The following COPG1 variants were observed in gnomAD, a reference collection of about 807,000 sequenced individuals.
COPG1 encodes the protein coat protein complex I subunit gamma 1.
In COPG1, 29 loss-of-function variants were observed where a neutral mutation model predicts 102.8. That is an observed-to-expected ratio of 0.28 (90% CI 0.21 to 0.38). The LOEUF is 0.38. Among genes scored for constraint, COPG1 ranks in the 10% least tolerant of loss-of-function variants. The pLI is 1.00. For missense variants in COPG1, 875 were observed against 1,132.7 expected (o/e 0.77, Z 3.27); for synonymous variants, 406 against 421.6 (o/e 0.96, Z 0.45).
intron 10 of COPG1, 157 bp from the exon 11 acceptor site, chr3:129,260,176 T>G (rs1576963729): frequency 1.5e-6 from 1 of 679,998 alleles, no homozygotes; most frequent in South Asian, 1.7e-5. Context: ...ATGGCTCAGG[T>G]GCGCAGGGTG....
chr3:129,275,229 C>G lies in COPG1; in HGVS notation c.2431C>G (p.His811Asp), dbSNP rs1395404870. Residue 811 changes from histidine (H) to aspartate (D), a missense_variant, in exon 23 of 24, where the codon CAC becomes GAC. Coordinates refer to ENST00000314797, the MANE Select transcript of COPG1 (RefSeq NM_016128.4). This position sits in a 1 kb window ranked among gnomAD's most constrained non-coding sequence, Gnocchi z 5.0. Reference protein sequence around the residue: ...VGNIVKFLGMHPCERSDKVPD... With the variant: ...VGNIVKFLGMDPCERSDKVPD... ...TAATATTGTGAAGTTCTTGGGAATG[C>G]ACCCTTGTGAGAGGTCAGACAAAGT... 3 of 1,614,038 alleles carry G rather than the reference C, an allele frequency of 1.9e-6. No individual in the cohort carries two copies. Among genetic ancestry groups the G allele is most frequent in the Non-Finnish European group, 2.5e-6 (3 of 1,180,014 alleles).
At position 129,260,594 on chromosome 3, in the gene COPG1, C is replaced by T. The variant is rs1034357565; in HGVS notation, c.940-25C>T. The T allele has an allele frequency of 1.5e-5, 24 of 1,611,176 alleles. No homozygotes were observed. In the Middle Eastern group the frequency reaches 8.2e-4, roughly 55 times the overall value. On this transcript the variant is annotated intron_variant, in intron 11 of 23. Transcript: ENST00000314797. ...AGTGACAGCATTGGGTTCCTGCCCT[C>T]TCTGTCACTGTCCTCCCAAAACAGG...
At position 129,268,588 on chromosome 3, in the gene COPG1, T is replaced by G. The variant is rs1379676920; in HGVS notation, c.1742T>G (p.Leu581Arg). The G allele has an allele frequency of 6.2e-7, 1 of 1,614,116 alleles. No individual in the cohort carries two copies. Among genetic ancestry groups the G allele is most frequent in the African/African-American group, 1.3e-5 (1 of 74,954 alleles). The change falls in exon 17 of 24, where the codon CTG becomes CGG. Residue 581 changes from leucine to arginine, a missense_variant. Physicochemically the swap from Leu to Arg is moderately radical, Grantham distance 102. Transcript: ENST00000314797. ...CCTTTTGACCTCAAGTCTGTGCCCC[T>G]GGCCACGGCGCCCATGGCAGAGCAG... is the stretch of plus-strand genomic sequence containing the variant. ...EKPFDLKSVP[L>R]ATAPMAEQRT...
chr3:129,252,338 A>T lies in COPG1; in HGVS notation c.148A>T (p.Lys50Ter). 1 of 1,612,320 alleles carries T rather than the reference A, an allele frequency of 6.2e-7. No individual in the cohort carries two copies. The highest frequency in any genetic ancestry group is 8.5e-7 in the Non-Finnish European group (1 of 1,178,404). Reference protein sequence around the residue: ...NPRKCAHILTKILYLINQGEH... With the variant: ...NPRKCAHILT ...TCGGAAATGTGCCCACATCCTCACCAAGATTCTTTATCTCATAAACCAGGT... is the reference window on the plus strand; with the variant it reads ...TCGGAAATGTGCCCACATCCTCACCTAGATTCTTTATCTCATAAACCAGGT... The change falls in exon 3 of 24, where the codon AAG (lysine) becomes TAG (stop). Residue 50 changes from lysine to a stop codon, truncating the protein, a stop_gained. Coordinates refer to ENST00000314797, the MANE Select transcript of COPG1 (RefSeq NM_016128.4). LOFTEE classifies it high-confidence loss of function.
intron 21 of COPG1, 35 bp downstream of exon 21, chr3:129,272,939 C>A: frequency 1.5e-6 from 2 of 1,316,968 alleles, no homozygotes; most frequent in Non-Finnish European, 2.2e-6. Context: ...CAGTTTTGTG[C>A]TGAGGCTGCA....
chr3:129,269,196 G>C (rs1200594328), intron 18 of COPG1, among the ~76,000 whole-genome samples, 196 bp downstream of exon 18: 4 of 152,162 alleles, frequency 2.6e-5, no homozygotes, highest in Non-Finnish European at 5.9e-5. Flanking sequence ...TTCAGAGAGA[G>C]AAAGTAGTAG....
intron 5 of COPG1, 138 bp downstream of exon 5, chr3:129,253,093 C>G: frequency 1.5e-6 from 1 of 665,860 alleles, no homozygotes; most frequent in East Asian, 2.7e-5. Context: ...TTACCACTGC[C>G]CACCCCATGG....
rs372871313 is a variant in COPG1 at position 129,250,708 on chromosome 3, C to T, written c.64C>T (p.Leu22Phe). 1.2e-6 allele frequency: 2 copies of T among 1,613,910 alleles called. No individual in the cohort carries two copies. Among genetic ancestry groups the T allele is most frequent in the African/African-American group, 2.7e-5 (2 of 74,872 alleles). The change falls in exon 2 of 24, where the codon CTT becomes TTT. Residue 22 changes from leucine (L) to phenylalanine (F), a missense_variant. By Grantham distance (22) the Leu-to-Phe change is conservative. Coordinates refer to ENST00000314797, the MANE Select transcript of COPG1 (RefSeq NM_016128.4). The stretch of plus-strand genomic sequence containing the variant: ...TGGAGGCTCCAACCCATTCCAGCAC[C>T]TTGAGAAGAGTGCGGTACTCCAGGA... ...SGGGSNPFQHLEKSAVLQEAR... is the reference protein window; with the variant it reads ...SGGGSNPFQHFEKSAVLQEAR...
In COPG1 at chr3:129,262,075, A is replaced by G. The variant is rs1268444361; in HGVS notation, c.1128+1268A>G. ...GCAGTCTACTCTGCCTGTGGGTTAC[A>G]AGAATGCTTTGCAGGCTGAAATGAC... On this transcript the variant is annotated intron_variant, in intron 12 of 23. Coordinates refer to ENST00000314797, the MANE Select transcript of COPG1 (RefSeq NM_016128.4). Among the ~76,000 whole-genome samples the G allele has an allele frequency of 2.6e-5, 4 of 152,144 alleles. No homozygotes were observed. In the East Asian group the frequency reaches 7.7e-4, roughly 29 times the overall value.
rs555423089 is a variant in COPG1 at position 129,250,962 on chromosome 3, C to G, written c.90+228C>G. On this transcript the variant is annotated intron_variant, in intron 2 of 23. Transcript: ENST00000314797. ...TTTCTGAGACAGAGTCTTGCTCTGT[C>G]GCTCAGGCTGGAGTGCAGTGGCGTG... The G allele has an allele frequency of 1.2e-5, 5 of 409,686 alleles. No homozygotes were observed. The Admixed American group carries it at 1.7e-4, about 14-fold the overall frequency. The allele number at this position is 409,686 out of a possible 1,614,324, so 25.4% of individuals were successfully genotyped here.
At chr3:129,254,104 C>G (rs113129860) in intron 5 of COPG1, among the ~76,000 whole-genome samples, 1,865 of 151,874 alleles carry the variant, frequency 0.012, 23 homozygotes, top group Non-Finnish European at 0.018. Context: ...CAAGACCAGC[C>G]TGGCCAACAT....
In COPG1 at chr3:129,257,876, T is replaced by G. The variant is rs371600636; in HGVS notation, c.871+16T>G. ...GCTGTGTCAGGTCACTGGGCATTCC[T>G]TCACCCAGCCTCACATGTTTATGCT... is the stretch of plus-strand genomic sequence containing the variant. On this transcript the variant is annotated intron_variant, in intron 10 of 23. Coordinates refer to ENST00000314797, the MANE Select transcript of COPG1 (RefSeq NM_016128.4). 2.2e-5 allele frequency: 35 copies of G among 1,611,262 alleles called. No individual in the cohort carries two copies. The African/African-American group carries it at 4.1e-4, about 19-fold the overall frequency.
At chr3:129,260,593 T>C in intron 11 of COPG1, 26 bp from the exon 12 acceptor site, 2 of 1,610,718 alleles carry the variant, frequency 1.2e-6, no homozygotes, top group Non-Finnish European at 1.7e-6. Flanking sequence ...GTTCCTGCCC[T>C]CTCTGTCACT....
chr3:129,260,837 C>T, intron 12 of COPG1, 30 bp downstream of exon 12: 1 of 1,605,472 alleles, frequency 6.2e-7, no homozygotes, highest in Non-Finnish European at 8.5e-7. Context: ...CACCCACGGC[C>T]CCCAGAGGAA....
chr3:129,268,260 CTT>C (rs549901162), intron 16 of COPG1, among the ~76,000 whole-genome samples: 122 of 152,278 alleles, frequency 8.0e-4, no homozygotes, highest in African/African-American at 2.6e-3. Flanking sequence ...TTAATAAAAA[CTT>C]TATTTTTACA....
chr3:129,260,879 C>T (rs1282096208), intron 12 of COPG1, 72 bp downstream of exon 12: 2 of 1,506,890 alleles, frequency 1.3e-6, no homozygotes, highest in East Asian at 2.3e-5. Flanking sequence ...GTGGCCACAG[C>T]CTTCCTGCCA....
chr3:129,253,266 C>T, intron 5 of COPG1, among the ~76,000 whole-genome samples: 1 of 152,192 alleles, frequency 6.6e-6, no homozygotes, highest in Non-Finnish European at 1.5e-5. Context: ...CAAGAGAGTA[C>T]AAGCGGTATA....
At position 129,252,678 on chromosome 3, in the gene COPG1, T is replaced by C; in HGVS notation, c.227T>C (p.Leu76Pro). The C allele has an allele frequency of 6.2e-7, 1 of 1,614,114 alleles. No homozygotes were observed. The highest frequency in any genetic ancestry group is 8.5e-7 in the Non-Finnish European group (1 of 1,179,968). ...ATEAFFAMTK[L>P]FQSNDPTLRR... ...GAGGCCTTCTTTGCCATGACCAAGC[T>C]CTTTCAGTCCAATGATGTAAGTGCC... is the stretch of plus-strand genomic sequence containing the variant. Residue 76 changes from leucine (L) to proline (P), a missense_variant, in exon 4 of 24, where the codon CTC becomes CCC. Coordinates refer to ENST00000314797, the MANE Select transcript of COPG1 (RefSeq NM_016128.4).
At position 129,263,951 on chromosome 3, in the gene COPG1, C is replaced by T. The variant is rs1203734455; in HGVS notation, c.1176C>T (p.Arg392=). The change falls in exon 13 of 24, where the codon CGC becomes CGT. Residue 392 remains arginine (R), a synonymous_variant. Transcript: ENST00000314797. ...AISALCQKYP[R]KHAVLMNFLF... ...GTGCCCTGTGTCAGAAATATCCTCG[C>T]AAACACGCCGTCCTTATGAACTTCC... The T allele has an allele frequency of 6.2e-7, 1 of 1,614,194 alleles. No individual in the cohort carries two copies. The highest frequency in any genetic ancestry group is 1.7e-5 in the Admixed American group (1 of 60,032).
Sources: allele counts gnomAD v4.1 joint callset (sites outside exome capture counted in the v4.1 genomes callset), GRCh38; gene constraint gnomAD v4.1.1; non-coding constraint Gnocchi (gnomAD v3.1); transcripts MANE v1.5; gene names NCBI Gene and HGNC (gene_info 2026-07-23, HGNC 2026-07-21).